Variants in NTNG1 observed in about 807,000 individuals in gnomAD.
NTNG1 encodes the protein netrin G1.
NTNG1 carries 16 observed loss-of-function variants against 54.0 expected under a neutral mutation model. The ratio of observed to expected loss-of-function variants is 0.30; its 90% CI spans 0.20 to 0.45. NTNG1 has a LOEUF of 0.45. Ranked by LOEUF, NTNG1 falls within the 20% of genes least tolerant of loss-of-function variation. The pLI is 1.00. For missense variants in NTNG1, 530 were observed against 678.7 expected (o/e 0.78, Z 2.43); for synonymous variants, 255 against 263.1 (o/e 0.97, Z 0.30).
chr1:107,388,132 T>C (rs1318609199), intron 3 of NTNG1, among the ~76,000 whole-genome samples: 1 of 152,210 alleles, frequency 6.6e-6, no homozygotes, highest in African/African-American at 2.4e-5. Flanking sequence ...CGACCTCTCA[T>C]GGTGTATCCA....
intron 3 of NTNG1, among the ~76,000 whole-genome samples, chr1:107,329,372 A>G (rs1668144971): frequency 6.6e-6 from 1 of 152,118 alleles, no homozygotes; most frequent in Non-Finnish European, 1.5e-5. Flanking sequence ...TTATTCTTTG[A>G]ATGTCACTGC....
chr1:107,247,807 T>A (rs981407751), intron 2 of NTNG1, among the ~76,000 whole-genome samples: 20 of 152,224 alleles, frequency 1.3e-4, no homozygotes, highest in Admixed American at 6.5e-4. Context: ...CTCCATCAGC[T>A]ATCCAGACCT....
intron 3 of NTNG1, among the ~76,000 whole-genome samples, chr1:107,388,784 A>C (rs771171784): frequency 1.1e-4 from 16 of 152,166 alleles, no homozygotes; most frequent in Non-Finnish European, 2.1e-4. Flanking sequence ...CATTTCAAGT[A>C]ATGTGTTAAG....
At chr1:107,397,975 T>TAC (rs146887307) in intron 4 of NTNG1, among the ~76,000 whole-genome samples, 252 of 150,844 alleles carry the variant, frequency 1.7e-3, no homozygotes, top group South Asian at 7.3e-3. Context: ...TGCATACAGG[T>TAC]ACACACACAC....
At chr1:107,334,788 T>C (rs1189702757) in intron 3 of NTNG1, among the ~76,000 whole-genome samples, 2 of 151,972 alleles carry the variant, frequency 1.3e-5, no homozygotes, top group African/African-American at 4.8e-5. Context: ...CTGGCGCATA[T>C]TAAAAGTTCA....
chr1:107,458,033 T>C (rs1350677773), intron 7 of NTNG1, among the ~76,000 whole-genome samples: 1 of 152,178 alleles, frequency 6.6e-6, no homozygotes, highest in African/African-American at 2.4e-5. Context: ...TTTGCTCTAA[T>C]AGCCCAAGTG....
chr1:107,463,772 T>C (rs1677429098), intron 7 of NTNG1, among the ~76,000 whole-genome samples: 1 of 152,030 alleles, frequency 6.6e-6, no homozygotes. Context: ...TCCTTAGGAG[T>C]CATTTCCATA....
At chr1:107,335,693 C>A (rs558461256) in intron 3 of NTNG1, among the ~76,000 whole-genome samples, 168 of 150,820 alleles carry the variant, frequency 1.1e-3, no homozygotes, top group Middle Eastern at 0.01. Flanking sequence ...CTCATTGTAT[C>A]GTCAGAAAAA....
intron 4 of NTNG1, among the ~76,000 whole-genome samples, chr1:107,407,305 C>T (rs1673490865): frequency 6.6e-6 from 1 of 152,072 alleles, no homozygotes; most frequent in Admixed American, 6.6e-5. Context: ...ACTCTGTACC[C>T]ATAACTTAAG....
chr1:107,169,242 G>C (rs763121369), intron 2 of NTNG1, among the ~76,000 whole-genome samples: 17 of 152,110 alleles, frequency 1.1e-4, no homozygotes, highest in Non-Finnish European at 1.6e-4. Flanking sequence ...GAAATTTGGA[G>C]AATTACTAGT....
At chr1:107,476,157 C>T (rs1318658142) in intron 7 of NTNG1, among the ~76,000 whole-genome samples, 1 of 152,210 alleles carries the variant, frequency 6.6e-6, no homozygotes, top group Non-Finnish European at 1.5e-5. Context: ...ATCAGGAAGA[C>T]TTCTGCGGTT....
At chr1:107,320,954 T>C (rs892839573) in intron 2 of NTNG1, among the ~76,000 whole-genome samples, 5 of 152,090 alleles carry the variant, frequency 3.3e-5, no homozygotes, top group African/African-American at 9.7e-5. Flanking sequence ...AAAATATCAC[T>C]AAGAGTAGAG....
intron 2 of NTNG1, among the ~76,000 whole-genome samples, chr1:107,298,987 G>C (rs1434356185): frequency 2.0e-5 from 3 of 152,104 alleles, no homozygotes; most frequent in Admixed American, 2.0e-4. Context: ...TGGACTATGG[G>C]TACATATGGG....
chr1:107,422,247 A>T (rs1165453346), intron 5 of NTNG1, among the ~76,000 whole-genome samples: 1 of 152,088 alleles, frequency 6.6e-6, no homozygotes, highest in East Asian at 1.9e-4. Flanking sequence ...GCAGGCTCAG[A>T]GGGTAACAAA....
intron 2 of NTNG1, among the ~76,000 whole-genome samples, chr1:107,239,055 A>G (rs569769784): frequency 6.6e-6 from 1 of 152,330 alleles, no homozygotes; most frequent in Non-Finnish European, 1.5e-5. Context: ...AGTAACTGCC[A>G]AAATGAAGAA....
At chr1:107,335,074 C>A (rs912622674) in intron 3 of NTNG1, among the ~76,000 whole-genome samples, 4 of 151,910 alleles carry the variant, frequency 2.6e-5, no homozygotes, top group African/African-American at 9.7e-5. Flanking sequence ...AAGCTATGTA[C>A]TTGGGTTAAA....
chr1:107,377,175 G>T (rs1671339029), intron 3 of NTNG1, among the ~76,000 whole-genome samples: 2 of 152,160 alleles, frequency 1.3e-5, no homozygotes, highest in Non-Finnish European at 2.9e-5. Flanking sequence ...AACAACACTT[G>T]ATGGAAGCTT....
At chr1:107,176,589 C>T (rs1338269056) in intron 2 of NTNG1, among the ~76,000 whole-genome samples, 1 of 152,166 alleles carries the variant, frequency 6.6e-6, no homozygotes, top group Non-Finnish European at 1.5e-5. Flanking sequence ...GTGATACTTA[C>T]ATGAATTGGA....
intron 7 of NTNG1, 34 bp from the exon 8 acceptor site, chr1:107,480,577 C>CCCCCCCCCCCCCAACAACA: frequency 2.1e-6 from 1 of 470,480 alleles, no homozygotes; most frequent in Non-Finnish European, 4.0e-6. Flanking sequence ...CCTCCCCGCG[C>CCCCCCCCCCCCCAACAACA]CCACCCACCC....
Sources: gnomAD v4.1 joint callset for allele counts (sites outside exome capture counted in the v4.1 genomes callset) on GRCh38, gnomAD v4.1.1 for gene constraint, MANE v1.5 for transcripts, NCBI Gene and HGNC (gene_info 2026-07-23, HGNC 2026-07-21) for gene names.